Variants in NEGR1 observed in about 807,000 individuals in gnomAD.
The protein encoded by NEGR1 is neuronal growth regulator 1.
In NEGR1, 10 loss-of-function variants were observed where a neutral mutation model predicts 40.9. The ratio of observed to expected loss-of-function variants is 0.24; its 90% CI spans 0.15 to 0.42. The LOEUF (loss-of-function observed/expected upper bound fraction) is 0.42. Ranked by LOEUF, NEGR1 falls within the 10% of genes least tolerant of loss-of-function variation. The pLI, the probability that NEGR1 is intolerant of heterozygous loss-of-function variation, is 1.00. For missense variants in NEGR1, 352 were observed against 438.9 expected (o/e 0.80, Z 1.77); for synonymous variants, 185 against 166.8 (o/e 1.11, Z -0.84).
chr1:72,243,040 C>T (rs1654797826), intron 1 of NEGR1, among the ~76,000 whole-genome samples: 1 of 151,532 alleles, frequency 6.6e-6, no homozygotes. Flanking sequence ...ATAAAATCTG[C>T]TATCATTTCT....
chr1:71,829,721 A>T (rs1019615606), intron 2 of NEGR1, among the ~76,000 whole-genome samples: 1 of 151,972 alleles, frequency 6.6e-6, no homozygotes, highest in African/African-American at 2.4e-5. Flanking sequence ...ACAACAACAC[A>T]ATCAAAAAAC....
chr1:72,215,515 G>GA (rs887249786), intron 1 of NEGR1, among the ~76,000 whole-genome samples: 2 of 151,398 alleles, frequency 1.3e-5, no homozygotes, highest in African/African-American at 4.8e-5. Flanking sequence ...AAATTTAAAA[G>GA]AAAAAAACAA....
rs544623897 is a variant in NEGR1, at chr1:72,094,404, C to T, written c.177-159093G>A. Among the ~76,000 whole-genome samples, 3 of 152,238 alleles carry T rather than the reference C, an allele frequency of 2.0e-5. No individual in the cohort carries two copies. In the South Asian group the frequency reaches 6.2e-4, roughly 32 times the overall value. On this transcript the variant is annotated intron_variant, in intron 1 of 6. Coordinates refer to ENST00000357731, the MANE Select transcript of NEGR1 (RefSeq NM_173808.3). The stretch of plus-strand genomic sequence containing the variant: ...CTTGTGCAAAGGCCCTGAACGAGGT[C>T]AGTAATGAAGTCCCTATTCTCTGTG...
intron 4 of NEGR1, among the ~76,000 whole-genome samples, chr1:71,657,515 A>T (rs1206359455): frequency 1.3e-5 from 2 of 152,194 alleles, no homozygotes; most frequent in African/African-American, 4.8e-5. Context: ...TTTTTTTCTC[A>T]TTAGAAATAT....
intron 2 of NEGR1, among the ~76,000 whole-genome samples, chr1:71,820,316 C>T (rs1168060936): frequency 6.6e-6 from 1 of 151,950 alleles, no homozygotes; most frequent in Admixed American, 6.6e-5. Context: ...GTTTCCAGAC[C>T]TGAGCCAGTT....
At chr1:72,033,991 C>T (rs1322618124) in intron 1 of NEGR1, among the ~76,000 whole-genome samples, 3 of 152,086 alleles carry the variant, frequency 2.0e-5, no homozygotes, top group African/African-American at 7.2e-5. Context: ...TATAAGAAAA[C>T]CAACAAAATT....
At chr1:71,597,410 A>T (rs886979219) in intron 5 of NEGR1, among the ~76,000 whole-genome samples, 2 of 87,680 alleles carry the variant, frequency 2.3e-5, no homozygotes, top group Non-Finnish European at 2.5e-5. Flanking sequence ...ATGGAGTTTT[A>T]TTTATATATA....
intron 3 of NEGR1, among the ~76,000 whole-genome samples, chr1:71,753,775 T>A (rs1655644328): frequency 6.6e-6 from 1 of 152,166 alleles, no homozygotes; most frequent in South Asian, 2.1e-4. Context: ...ACTCTGCGAA[T>A]CCAACATATG....
At chr1:72,188,903 G>A (rs1449566382) in intron 1 of NEGR1, among the ~76,000 whole-genome samples, 1 of 151,506 alleles carries the variant, frequency 6.6e-6, no homozygotes, top group Non-Finnish European at 1.5e-5. Context: ...AACAAAACAA[G>A]AAAGGGATTA....
intron 6 of NEGR1, among the ~76,000 whole-genome samples, chr1:71,568,863 TGTG>T (rs1648717433): frequency 1.3e-5 from 2 of 151,488 alleles, no homozygotes; most frequent in Non-Finnish European, 2.9e-5. Flanking sequence ...TGTGTGTGTG[TGTG>T]TATACGTATA....
Position 71,401,460 on chromosome 1 carries a change from G to A in NEGR1, c.*5986C>T, listed in dbSNP as rs1319645927. 1.3e-5 allele frequency: 2 copies of A among 152,114 alleles called. No individual in the cohort carries two copies. The highest frequency in any genetic ancestry group is 3.8e-4 in the East Asian group (2 of 5,196). The allele number at this position is 152,114 out of a possible 1,614,324, so 9.4% of individuals were successfully genotyped here. On this transcript the variant is annotated 3_prime_UTR_variant, in exon 7 of 7. Transcript: ENST00000357731. ...ACACTTTTTATGTTTTTCAAACTAA[G>A]TGGTGATATCCATAGGATTTGTATT...
At chr1:71,449,031 A>T (rs1646604779) in intron 6 of NEGR1, among the ~76,000 whole-genome samples, 1 of 152,148 alleles carries the variant, frequency 6.6e-6, no homozygotes, top group Admixed American at 6.5e-5. Context: ...TTGCTTTCAT[A>T]CTTTGTGTAC....
At chr1:72,162,850 T>G (rs562481006) in intron 1 of NEGR1, among the ~76,000 whole-genome samples, 1 of 152,200 alleles carries the variant, frequency 6.6e-6, no homozygotes, top group African/African-American at 2.4e-5. Flanking sequence ...AACAAATACT[T>G]TTTTGCATAT....
chr1:71,900,271 A>G (rs1661108601), intron 2 of NEGR1, among the ~76,000 whole-genome samples: 1 of 152,182 alleles, frequency 6.6e-6, no homozygotes, highest in Admixed American at 6.5e-5. Flanking sequence ...TACAGGTTTA[A>G]AAGTATAATA....
intron 2 of NEGR1, among the ~76,000 whole-genome samples, chr1:71,824,660 C>G (rs1169513245): frequency 1.3e-5 from 2 of 151,876 alleles, no homozygotes; most frequent in Non-Finnish European, 2.9e-5. Flanking sequence ...CTCCAGTGCC[C>G]CTTTCTAGTC....
At chr1:71,987,577 T>C (rs1646406601) in intron 1 of NEGR1, among the ~76,000 whole-genome samples, 1 of 152,186 alleles carries the variant, frequency 6.6e-6, no homozygotes, top group Non-Finnish European at 1.5e-5. Flanking sequence ...CGCCTAGTGG[T>C]CTTCAATGAT....
At chr1:72,050,337 T>A (rs1647047126) in intron 1 of NEGR1, among the ~76,000 whole-genome samples, 1 of 151,546 alleles carries the variant, frequency 6.6e-6, no homozygotes, top group South Asian at 2.1e-4. Context: ...AATGTATTTT[T>A]AAATCACAAA....
chr1:71,472,491 C>T (rs947630683), intron 6 of NEGR1: 1 of 152,058 alleles, frequency 6.6e-6, no homozygotes, highest in South Asian at 2.1e-4. Flanking sequence ...CTCATAAAGA[C>T]ATATTGATTT....
chr1:71,662,164 C>A (rs1179654762), intron 4 of NEGR1, among the ~76,000 whole-genome samples: 1 of 152,090 alleles, frequency 6.6e-6, no homozygotes. Flanking sequence ...GGTGCAAGAC[C>A]TTGAACAAAT....
Sources: allele counts gnomAD v4.1 joint callset (sites outside exome capture counted in the v4.1 genomes callset), GRCh38; gene constraint gnomAD v4.1.1; transcripts MANE v1.5; gene names NCBI Gene and HGNC (gene_info 2026-07-23, HGNC 2026-07-21).